The following PALM2AKAP2 variants were observed in gnomAD, a reference collection of about 807,000 sequenced individuals.
The protein encoded by PALM2AKAP2 is PALM2 and AKAP2 fusion, also known as PALM2-AKAP2 fusion protein.
PALM2AKAP2 carries 37 observed loss-of-function variants against 71.5 expected under a neutral mutation model. The ratio of observed to expected loss-of-function variants is 0.52; its 90% CI spans 0.40 to 0.68. PALM2AKAP2 has a LOEUF of 0.68. PALM2AKAP2 is among the 30% of genes least tolerant of loss of function. PALM2AKAP2 has a pLI of 0.00. For missense variants in PALM2AKAP2, 1,224 were observed against 1,191.8 expected, an observed-to-expected ratio of 1.03 and a Z score of -0.40; for synonymous variants, 468 against 478.8, an observed-to-expected ratio of 0.98 and a Z score of 0.29.
chr9:109,794,764 G>T (rs1827205736), intron 1 of PALM2AKAP2, among the ~76,000 whole-genome samples: 2 of 152,318 alleles, frequency 1.3e-5, no homozygotes, highest in African/African-American at 4.8e-5. Context: ...GGTCTGCCTG[G>T]AAATTTCCAA....
intron 6 of PALM2AKAP2, among the ~76,000 whole-genome samples, chr9:109,985,799 AC>A (rs926580437): frequency 5.9e-5 from 9 of 151,806 alleles, no homozygotes; most frequent in African/African-American, 1.9e-4. Flanking sequence ...ACAGGCATGC[AC>A]CACCATGCCC....
At chr9:109,844,106 C>T (rs1201525417) in intron 1 of PALM2AKAP2, among the ~76,000 whole-genome samples, 1 of 152,216 alleles carries the variant, frequency 6.6e-6, no homozygotes, top group Admixed American at 6.5e-5. Flanking sequence ...CAGTAGCTAA[C>T]TAACATTTAT....
At chr9:110,119,896 G>A (rs1006925264) in intron 1 of PALM2AKAP2, among the ~76,000 whole-genome samples, 9 of 152,208 alleles carry the variant, frequency 5.9e-5, no homozygotes. Flanking sequence ...TTACCGTATG[G>A]CAAGCCCTGT....
intron 1 of PALM2AKAP2, among the ~76,000 whole-genome samples, chr9:109,691,987 T>C (rs1420034621): frequency 6.9e-6 from 1 of 145,418 alleles, no homozygotes; most frequent in Non-Finnish European, 1.5e-5. Context: ...TATTCATTAG[T>C]TTGCTTCAGT....
intron 3 of PALM2AKAP2, among the ~76,000 whole-genome samples, chr9:109,909,996 A>G (rs1030374897): frequency 6.6e-6 from 1 of 152,186 alleles, no homozygotes; most frequent in Non-Finnish European, 1.5e-5. Context: ...ATGGGGCTGC[A>G]TAGAAGCAGA....
chr9:110,075,091 T>G (rs1834291801), intron 1 of PALM2AKAP2, among the ~76,000 whole-genome samples: 1 of 152,218 alleles, frequency 6.6e-6, no homozygotes, highest in Admixed American at 6.5e-5. Flanking sequence ...CACAATTTAT[T>G]TTTGTTGTCA....
intron 1 of PALM2AKAP2, among the ~76,000 whole-genome samples, chr9:109,720,033 G>A (rs575245770): frequency 6.6e-6 from 1 of 151,456 alleles, no homozygotes; most frequent in African/African-American, 2.4e-5. Flanking sequence ...CTGTCACCCA[G>A]GCTAGAGTGC....
chr9:109,796,411 ATACT>A (rs1488636291), intron 1 of PALM2AKAP2, among the ~76,000 whole-genome samples: 1 of 152,204 alleles, frequency 6.6e-6, no homozygotes, highest in South Asian at 2.1e-4. Context: ...GGCAGTTCTA[ATACT>A]TACTCTAATT....
chr9:110,062,454 T>C (rs1833985037), intron 1 of PALM2AKAP2, among the ~76,000 whole-genome samples: 1 of 152,242 alleles, frequency 6.6e-6, no homozygotes, highest in Non-Finnish European at 1.5e-5. Context: ...TAGTATTCCA[T>C]GGTGTATATG....
At chr9:109,915,881 T>A (rs1038243986) in intron 3 of PALM2AKAP2, among the ~76,000 whole-genome samples, 1 of 152,084 alleles carries the variant, frequency 6.6e-6, no homozygotes. Flanking sequence ...AAAAACCAAG[T>A]TGTATTTGTC....
At chr9:109,783,455 T>C (rs972828478) in intron 1 of PALM2AKAP2, among the ~76,000 whole-genome samples, 1 of 152,094 alleles carries the variant, frequency 6.6e-6, no homozygotes, top group Non-Finnish European at 1.5e-5. Flanking sequence ...TGTGCCACCA[T>C]GCCCAGCTAA....
chr9:109,925,171 C>A, intron 5 of PALM2AKAP2, 89 bp downstream of exon 5: 1 of 1,588,586 alleles, frequency 6.3e-7, no homozygotes, highest in Non-Finnish European at 8.6e-7. Context: ...GGAAGAGGTA[C>A]TGTGTTGATT....
chr9:109,971,192 C>T (rs543531017), intron 6 of PALM2AKAP2, among the ~76,000 whole-genome samples: 1 of 150,694 alleles, frequency 6.6e-6, no homozygotes, highest in African/African-American at 2.4e-5. Context: ...ATGCCTGGCA[C>T]ATAGCAGTGC....
At chr9:110,031,939 A>G (rs557638695) in intron 7 of PALM2AKAP2, among the ~76,000 whole-genome samples, 1 of 152,164 alleles carries the variant, frequency 6.6e-6, no homozygotes, top group African/African-American at 2.4e-5. Context: ...AGGCTGGCCC[A>G]TGAGTCTTCA....
intron 1 of PALM2AKAP2, among the ~76,000 whole-genome samples, chr9:109,856,234 A>G (rs55856733): frequency 1.3e-5 from 2 of 152,226 alleles, no homozygotes; most frequent in South Asian, 2.1e-4. Flanking sequence ...TAAGATGAAC[A>G]TAGAGGAAGA....
At chr9:110,063,373 T>C (rs1834004434) in intron 1 of PALM2AKAP2, among the ~76,000 whole-genome samples, 1 of 152,104 alleles carries the variant, frequency 6.6e-6, no homozygotes, top group African/African-American at 2.4e-5. Flanking sequence ...GGCTTGTAGA[T>C]GGGTGTCTTC....
chr9:109,788,430 A>C (rs1018683158), intron 1 of PALM2AKAP2, among the ~76,000 whole-genome samples: 5 of 152,204 alleles, frequency 3.3e-5, no homozygotes, highest in African/African-American at 1.2e-4. Flanking sequence ...AGTAATTCTC[A>C]AACGTTAGTG....
intron 1 of PALM2AKAP2, among the ~76,000 whole-genome samples, chr9:109,786,373 G>A (rs1030327817): frequency 1.3e-5 from 2 of 152,234 alleles, no homozygotes; most frequent in Non-Finnish European, 2.9e-5. Context: ...TTCATGTGGG[G>A]ACCATCCCCA....
At chr9:109,985,777 G>A (rs1324630520) in intron 6 of PALM2AKAP2, among the ~76,000 whole-genome samples, 1 of 151,604 alleles carries the variant, frequency 6.6e-6, no homozygotes, top group African/African-American at 2.4e-5. Context: ...AGCCACCTAA[G>A]TAGCTGGGAT....
Sources: gnomAD v4.1 joint callset for allele counts (sites outside exome capture counted in the v4.1 genomes callset) on GRCh38, gnomAD v4.1.1 for gene constraint, MANE v1.5 for transcripts, NCBI Gene and HGNC (gene_info 2026-07-23, HGNC 2026-07-21) for gene names.